Variants in ADGRL2 observed in about 807,000 individuals in gnomAD.
ADGRL2 encodes the protein adhesion G protein-coupled receptor L2.
A neutral mutation model predicts 157.4 loss-of-function variants in ADGRL2; 44 were observed. The observed-to-expected ratio is 0.28, with a 90% confidence interval of 0.22 to 0.36. The LOEUF (loss-of-function observed/expected upper bound fraction) is 0.36. Ranked by LOEUF, ADGRL2 falls within the 10% of genes least tolerant of loss-of-function variation. ADGRL2 has a pLI of 1.00. For synonymous variants in ADGRL2, 585 were observed against 624.7 expected, an observed-to-expected ratio of 0.94 and a Z score of 0.95; for missense variants, 1,510 against 1,768.9, an observed-to-expected ratio of 0.85 and a Z score of 2.63.
intron 23 of ADGRL2, among the ~76,000 whole-genome samples, chr1:81,989,464 A>T (rs1664123179): frequency 6.6e-6 from 1 of 152,148 alleles, no homozygotes; most frequent in Non-Finnish European, 1.5e-5. Context: ...TGACCACTAG[A>T]AGCCTGGGGC....
At chr1:81,507,573 C>T (rs929098472) in intron 2 of ADGRL2, among the ~76,000 whole-genome samples, 11 of 152,224 alleles carry the variant, frequency 7.2e-5, no homozygotes, top group African/African-American at 1.2e-4. Context: ...TCTCACTCCT[C>T]GAGAGGGAAG....
Position 81,731,504 on chromosome 1 carries a change from CT to C in ADGRL2, c.-142-30297del, listed in dbSNP as rs34615420. Among the ~76,000 whole-genome samples the C allele has an allele frequency of 3.6e-3, 532 of 149,118 alleles. 1 individual carries two copies. Among genetic ancestry groups the C allele is most frequent in the Admixed American group, 4.4e-3 (66 of 14,866 alleles). On this transcript the variant is annotated intron_variant, in intron 1 of 20. Transcript: ENST00000359929. ...CCTAAGATTTCAAATGTTCTATCAT[CT>C]TTTTTTTTTGCAGCATATATATCAT... is the stretch of plus-strand genomic sequence containing the variant.
At chr1:81,828,760 A>G (rs1162764334) in intron 1 of ADGRL2, among the ~76,000 whole-genome samples, 1 of 152,196 alleles carries the variant, frequency 6.6e-6, no homozygotes, top group Non-Finnish European at 1.5e-5. Flanking sequence ...AAGAAGCACT[A>G]AAACATAAAT....
At chr1:81,891,520 G>T (rs954760039) in intron 2 of ADGRL2, among the ~76,000 whole-genome samples, 1 of 152,056 alleles carries the variant, frequency 6.6e-6, no homozygotes, top group Non-Finnish European at 1.5e-5. Flanking sequence ...AGGAGAAAAT[G>T]TCACCATATT....
chr1:81,802,022 G>A (rs1410659071), intron 1 of ADGRL2, among the ~76,000 whole-genome samples: 1 of 151,000 alleles, frequency 6.6e-6, no homozygotes, highest in Non-Finnish European at 1.5e-5. Context: ...TGGAGGCGGC[G>A]GCGGCCGAGC....
At chr1:81,574,647 G>A (rs1406254687) in intron 2 of ADGRL2, among the ~76,000 whole-genome samples, 2 of 152,136 alleles carry the variant, frequency 1.3e-5, no homozygotes, top group Non-Finnish European at 2.9e-5. Context: ...GAAGTAGCAT[G>A]AATCAGCTCT....
chr1:81,536,017 T>A (rs2079728739), intron 2 of ADGRL2, among the ~76,000 whole-genome samples: 1 of 152,212 alleles, frequency 6.6e-6, no homozygotes, highest in South Asian at 2.1e-4. Flanking sequence ...ATCATGCAGA[T>A]GTAAGCACAT....
At chr1:81,524,679 A>G (rs953400952) in intron 2 of ADGRL2, among the ~76,000 whole-genome samples, 4 of 152,188 alleles carry the variant, frequency 2.6e-5, no homozygotes, top group African/African-American at 9.7e-5. Context: ...ATTAACAACA[A>G]CAACCAAAAA....
At chr1:81,934,958 C>G (rs536977562) in intron 3 of ADGRL2, among the ~76,000 whole-genome samples, 1 of 151,832 alleles carries the variant, frequency 6.6e-6, no homozygotes, top group South Asian at 2.1e-4. Context: ...TCTGGCAGAT[C>G]AAGAAACTAA....
Position 81,571,903 on chromosome 1 carries a change from G to A in ADGRL2, c.-247-8973G>A, listed in dbSNP as rs147554088. ...ACATGCTCCGCACCCCCCAGCCTTT[G>A]CTACCTTTTCTTGTCTCATCAACAA... On this transcript the variant is annotated intron_variant, in intron 2 of 24. Coordinates refer to the ADGRL2 transcript ENST00000370721. Among the ~76,000 whole-genome samples, 338 of 152,236 alleles carry A rather than the reference G, an allele frequency of 2.2e-3. 2 individuals carry two copies. Among genetic ancestry groups the A allele is most frequent in the African/African-American group, 7.5e-3 (312 of 41,550 alleles).
intron 23 of ADGRL2, among the ~76,000 whole-genome samples, chr1:81,988,944 C>G (rs1663978422): frequency 6.6e-6 from 1 of 151,928 alleles, no homozygotes; most frequent in Non-Finnish European, 1.5e-5. Context: ...TCAATAACAT[C>G]ATTTCATTCT....
At chr1:81,584,222 A>C (rs544668318) in intron 3 of ADGRL2, among the ~76,000 whole-genome samples, 2 of 152,232 alleles carry the variant, frequency 1.3e-5, no homozygotes, top group Middle Eastern at 6.8e-3. Flanking sequence ...TTCTTCATCT[A>C]TTCACTTCAC....
intron 2 of ADGRL2, among the ~76,000 whole-genome samples, chr1:81,464,108 TAA>T (rs1253704494): frequency 2.0e-5 from 3 of 152,166 alleles, no homozygotes; most frequent in African/African-American, 7.2e-5. Flanking sequence ...GATTGATACT[TAA>T]AGTGTTATCG....
At chr1:81,367,854 A>G (rs1014839102) in intron 1 of ADGRL2, among the ~76,000 whole-genome samples, 1 of 152,074 alleles carries the variant, frequency 6.6e-6, no homozygotes, top group African/African-American at 2.4e-5. Context: ...GCCCAGCCTG[A>G]TCTCATTCCT....
At chr1:81,752,191 G>A (rs1040297271) in intron 1 of ADGRL2, among the ~76,000 whole-genome samples, 2 of 152,176 alleles carry the variant, frequency 1.3e-5, no homozygotes, top group Admixed American at 1.3e-4. Context: ...TGGCATTAAA[G>A]TGAGAAGGAA....
At chr1:81,989,078 T>C (rs939265968) in intron 23 of ADGRL2, among the ~76,000 whole-genome samples, 3 of 152,110 alleles carry the variant, frequency 2.0e-5, no homozygotes, top group Non-Finnish European at 4.4e-5. Context: ...TTTCATTTGC[T>C]TGAGAAGCAC....
chr1:81,817,799 C>G (rs998881398), intron 1 of ADGRL2, among the ~76,000 whole-genome samples: 1 of 151,862 alleles, frequency 6.6e-6, no homozygotes, highest in Non-Finnish European at 1.5e-5. Context: ...CAATTTTTAC[C>G]GTTATCTACC....
At chr1:81,856,869 G>A (rs1371674740) in intron 2 of ADGRL2, among the ~76,000 whole-genome samples, 2 of 151,996 alleles carry the variant, frequency 1.3e-5, no homozygotes, top group Non-Finnish European at 2.9e-5. Context: ...TGTGAGGCTT[G>A]CTTTGATCAT....
intron 2 of ADGRL2, among the ~76,000 whole-genome samples, chr1:81,765,114 A>G (rs1015292351): frequency 1.3e-5 from 2 of 152,010 alleles, no homozygotes; most frequent in African/African-American, 4.8e-5. Context: ...ATGAGATAAC[A>G]TTGTAAATGA....
Sources: gnomAD v4.1 joint callset for allele counts (sites outside exome capture counted in the v4.1 genomes callset) on GRCh38, gnomAD v4.1.1 for gene constraint, MANE v1.5 for transcripts, NCBI Gene and HGNC (gene_info 2026-07-23, HGNC 2026-07-21) for gene names.